Variants in TTLL11 observed in about 807,000 individuals in gnomAD.
TTLL11 encodes tubulin polyglutamylase TTLL11.
A neutral mutation model predicts 51.7 loss-of-function variants in TTLL11; 42 were observed. The ratio of observed to expected loss-of-function variants is 0.81; its 90% CI spans 0.64 to 1.05. The LOEUF (loss-of-function observed/expected upper bound fraction) is 1.05. Ranked by LOEUF, TTLL11 falls within the 50% of genes least tolerant of loss-of-function variation. The pLI is 0.00. For missense variants in TTLL11, 799 were observed against 940.4 expected, an observed-to-expected ratio of 0.85 and a Z score of 1.97; for synonymous variants, 381 against 383.5, an observed-to-expected ratio of 0.99 and a Z score of 0.08.
chr9:122,058,688 A>G (rs1564379068), intron 1 of TTLL11, among the ~76,000 whole-genome samples: 1 of 152,214 alleles, frequency 6.6e-6, no homozygotes, highest in South Asian at 2.1e-4. Context: ...ATGTTGAGCT[A>G]TAAGTTCCAA....
intron 1 of TTLL11, among the ~76,000 whole-genome samples, chr9:122,064,368 G>A (rs778027734): frequency 7.2e-5 from 11 of 152,154 alleles, no homozygotes; most frequent in African/African-American, 1.4e-4. Context: ...TTAGGATAGC[G>A]GGTCAAGCAA....
intron 8 of TTLL11, among the ~76,000 whole-genome samples, chr9:121,858,928 C>T (rs1300138435): frequency 6.6e-6 from 1 of 152,232 alleles, no homozygotes. Flanking sequence ...CCCCACTCCT[C>T]ACGACCCGGT....
At chr9:122,014,454 G>T (rs1220354681) in intron 3 of TTLL11, among the ~76,000 whole-genome samples, 1 of 152,186 alleles carries the variant, frequency 6.6e-6, no homozygotes, top group Non-Finnish European at 1.5e-5. Context: ...TGACTGCATA[G>T]GAACTTTTCC....
intron 3 of TTLL11, among the ~76,000 whole-genome samples, chr9:122,005,666 A>T (rs1291480743): frequency 6.6e-6 from 1 of 152,260 alleles, no homozygotes; most frequent in Non-Finnish European, 1.5e-5. Context: ...AGTATTAAAC[A>T]TAATTCTGGA....
chr9:121,846,427 A>G (rs1292130368), intron 8 of TTLL11, among the ~76,000 whole-genome samples: 1 of 152,250 alleles, frequency 6.6e-6, no homozygotes, highest in Non-Finnish European at 1.5e-5. Context: ...CCATCAATCA[A>G]CTATGTCTAA....
intron 6 of TTLL11, among the ~76,000 whole-genome samples, chr9:121,957,806 T>G (rs1286002760): frequency 1.3e-5 from 2 of 151,992 alleles, no homozygotes; most frequent in South Asian, 4.2e-4. Context: ...GAACAGCCAG[T>G]TGGGGGTGGG....
intron 8 of TTLL11, among the ~76,000 whole-genome samples, chr9:121,858,719 C>T (rs1363893096): frequency 6.6e-6 from 1 of 152,218 alleles, no homozygotes; most frequent in East Asian, 1.9e-4. Flanking sequence ...TGCCTCGCAC[C>T]ATCAGCGAGG....
intron 8 of TTLL11, among the ~76,000 whole-genome samples, chr9:121,838,525 C>A (rs1243502404): frequency 6.6e-6 from 1 of 152,132 alleles, no homozygotes; most frequent in East Asian, 1.9e-4. Flanking sequence ...TCAAGACCAG[C>A]CTGGCCAACA....
At chr9:122,013,585 G>C (rs1378759228) in intron 3 of TTLL11, among the ~76,000 whole-genome samples, 1 of 152,206 alleles carries the variant, frequency 6.6e-6, no homozygotes, top group Non-Finnish European at 1.5e-5. Flanking sequence ...CCTTGGCTTA[G>C]CCAATATCTG....
At position 121,989,723 on chromosome 9, in the gene TTLL11, G is replaced by A; in HGVS notation, c.741C>T (p.Ile247=). 13 of 1,610,866 alleles carry A rather than the reference G, an allele frequency of 8.1e-6. No individual in the cohort carries two copies. Among genetic ancestry groups the A allele is most frequent in the African/African-American group, 1.3e-5 (1 of 74,926 alleles). The part of the protein sequence containing the change: ...DDDPSWKPTF[I]VKPDGGCQGD... The stretch of plus-strand genomic sequence containing the variant: ...CCTGACAACCACCATCAGGTTTCAC[G>A]ATAAAAGTGGGCTTCCAGGAGGGGT... Residue 247 remains isoleucine (I), a synonymous_variant, in exon 4 of 9, where the codon ATC becomes ATT. Coordinates refer to ENST00000321582, the MANE Select transcript of TTLL11 (RefSeq NM_001139442.2). This position sits in a 1 kb window ranked among gnomAD's most constrained non-coding sequence, Gnocchi z 4.2.
At position 121,822,540 on chromosome 9, in the gene TTLL11, C is replaced by G. The variant is rs1177883004; in HGVS notation, c.*47G>C. The G allele has an allele frequency of 2.8e-6, 4 of 1,421,806 alleles. No homozygotes were observed. The highest frequency in any genetic ancestry group is 3.7e-6 in the Non-Finnish European group (4 of 1,084,106). 88.1% of individuals were successfully genotyped at this position (1,421,806 alleles called of 1,614,324 possible). On this transcript the variant is annotated 3_prime_UTR_variant, in exon 9 of 9. Coordinates refer to ENST00000321582, the MANE Select transcript of TTLL11 (RefSeq NM_001139442.2). The surrounding 1 kb of genome is among the most constrained non-coding windows in gnomAD (Gnocchi z 5.8). ...GCAGAATGCCTGGGGCGCTCCAGCC[C>G]TGAAAGCTGCTCTCGTCTTCCGTTT...
At chr9:122,066,386 A>G (rs1845583536) in intron 1 of TTLL11, among the ~76,000 whole-genome samples, 2 of 152,160 alleles carry the variant, frequency 1.3e-5, no homozygotes, top group Non-Finnish European at 2.9e-5. Flanking sequence ...AGTGGGAGAC[A>G]ACAGGGAAGG....
chr9:121,846,251 T>C (rs7031909), intron 8 of TTLL11, among the ~76,000 whole-genome samples: 106,097 of 152,034 alleles, frequency 0.7, 37,881 homozygotes, highest in African/African-American at 0.85. Context: ...TTAACATGTA[T>C]GCACCTAACA....
intron 3 of TTLL11, among the ~76,000 whole-genome samples, chr9:122,002,435 C>T (rs1415478684): frequency 3.9e-5 from 6 of 152,176 alleles, no homozygotes; most frequent in Non-Finnish European, 8.8e-5. Context: ...CAACTCTTTC[C>T]TTAGGCCCCT....
At chr9:121,931,584 T>TAAAAAAAAAA (rs757552624) in intron 6 of TTLL11, among the ~76,000 whole-genome samples, 1 of 130,736 alleles carries the variant, frequency 7.6e-6, no homozygotes, top group African/African-American at 3.2e-5. Flanking sequence ...TTCTACTATT[T>TAAAAAAAAAA]AAAAAAAAAA....
At chr9:122,080,412 A>G (rs919770954) in intron 1 of TTLL11, among the ~76,000 whole-genome samples, 11 of 152,186 alleles carry the variant, frequency 7.2e-5, no homozygotes, top group African/African-American at 2.7e-4. Flanking sequence ...TGCTGGGTGC[A>G]GTGACGCACA....
intron 6 of TTLL11, 125 bp from the exon 7 acceptor site, chr9:121,870,873 C>T (rs1363855686): frequency 2.6e-6 from 3 of 1,150,558 alleles, no homozygotes; most frequent in African/African-American, 1.6e-5. Flanking sequence ...GCAAGACTGA[C>T]CACAGAGAAG....
chr9:122,083,208 T>C (rs773454243), intron 1 of TTLL11, among the ~76,000 whole-genome samples: 1 of 152,088 alleles, frequency 6.6e-6, no homozygotes, highest in African/African-American at 2.4e-5. Flanking sequence ...GCCATGACCA[T>C]GTAACCTGCT....
At chr9:121,892,711 G>T (rs529182005) in intron 6 of TTLL11, among the ~76,000 whole-genome samples, 1 of 152,302 alleles carries the variant, frequency 6.6e-6, no homozygotes, top group Non-Finnish European at 1.5e-5. Flanking sequence ...ATCCACAGAG[G>T]GATGGCAATG....
Sources: allele counts gnomAD v4.1 joint callset (sites outside exome capture counted in the v4.1 genomes callset), GRCh38; gene constraint gnomAD v4.1.1; non-coding constraint Gnocchi (gnomAD v3.1); transcripts MANE v1.5; gene names NCBI Gene and HGNC (gene_info 2026-07-23, HGNC 2026-07-21).